TDRD1: variants seen among roughly 807,000 people sequenced by gnomAD.
TDRD1 encodes the protein tudor domain containing 1.
A neutral mutation model predicts 140.6 loss-of-function variants in TDRD1; 37 were observed. That is an observed-to-expected ratio of 0.26 (90% CI 0.20 to 0.35). TDRD1 has a LOEUF of 0.35. Among genes scored for constraint, TDRD1 ranks in the 10% least tolerant of loss-of-function variants. The pLI, the probability that TDRD1 is intolerant of heterozygous loss-of-function variation, is 1.00. For synonymous variants in TDRD1, 506 were observed against 475.7 expected, an observed-to-expected ratio of 1.06 and a Z score of -0.83; for missense variants, 1,243 against 1,393.0, an observed-to-expected ratio of 0.89 and a Z score of 1.71.
intron 1 of TDRD1, among the ~76,000 whole-genome samples, chr10:114,185,095 C>T (rs1194801872): frequency 6.6e-6 from 1 of 152,178 alleles, no homozygotes; most frequent in Non-Finnish European, 1.5e-5. Context: ...TCATAGTGGA[C>T]TGAATTTCTT....
intron 10 of TDRD1, among the ~76,000 whole-genome samples, chr10:114,205,391 G>C (rs923236928): frequency 6.6e-6 from 1 of 152,194 alleles, no homozygotes; most frequent in Non-Finnish European, 1.5e-5. Flanking sequence ...TCACCCCTCT[G>C]CTTTCAGAGA....
chr10:114,221,354 C>T lies in TDRD1; in HGVS notation c.2771-3C>T. 6.2e-7 allele frequency: 1 copy of T among 1,612,026 alleles called. No individual in the cohort carries two copies. The highest frequency in any genetic ancestry group is 8.5e-7 in the Non-Finnish European group (1 of 1,178,994). ...GTGAGACCTGTGTTTTGTATGTTTC[C>T]AGCTACCTCTTCAGCTGAGCAATGG... On this transcript the variant is annotated splice_polypyrimidine_tract_variant and splice_region_variant and intron_variant, in intron 19 of 25. Transcript: ENST00000251864.
In TDRD1 at chr10:114,204,905, C is replaced by A; in HGVS notation, c.1297+12C>A. 1 of 1,563,076 alleles carries A rather than the reference C, an allele frequency of 6.4e-7. No individual in the cohort carries two copies. Among genetic ancestry groups the A allele is most frequent in the South Asian group, 1.3e-5 (1 of 79,352 alleles). Reference sequence around the variant, plus strand: ...GCTGCCAAATTCAGGTAAGATCTGTCTTTTTAAATTGAGTACTTAATAGGA... The same window carrying A: ...GCTGCCAAATTCAGGTAAGATCTGTATTTTTAAATTGAGTACTTAATAGGA... On this transcript the variant is annotated intron_variant, in intron 10 of 25. Transcript: ENST00000251864.
chr10:114,190,027 T>G (rs1191274036), intron 2 of TDRD1, among the ~76,000 whole-genome samples: 1 of 152,194 alleles, frequency 6.6e-6, no homozygotes, highest in Non-Finnish European at 1.5e-5. Context: ...TTATTTGCCT[T>G]TAACAGAGGA....
At chr10:114,231,667 T>G in exon 26 of TDRD1, 1 of 562,548 alleles carries the variant, frequency 1.8e-6, no homozygotes, top group Non-Finnish European at 3.0e-6. Context: ...AGGTTGGTGG[T>G]TTTTATTTTC....
chr10:114,213,945 T>G (rs755438415), intron 15 of TDRD1, 32 bp from the exon 16 acceptor site: 6 of 1,612,636 alleles, frequency 3.7e-6, no homozygotes, highest in Non-Finnish European at 5.1e-6. Context: ...CCTCCTCCAC[T>G]ATGTCCATTT....
At chr10:114,190,813 G>A in intron 2 of TDRD1, 148 bp from the exon 3 acceptor site, 1 of 728,308 alleles carries the variant, frequency 1.4e-6, no homozygotes, top group Non-Finnish European at 2.2e-6. Flanking sequence ...GTTGGGAAAA[G>A]TAGGATGTTG....
exon 15 of TDRD1, chr10:114,213,404 T>C (rs200333623): frequency 3.5e-4 from 559 of 1,613,978 alleles, no homozygotes; most frequent in Non-Finnish European, 4.3e-4. Flanking sequence ...TGAAAAAACT[T>C]GTACAGAACA....
intron 18 of TDRD1, among the ~76,000 whole-genome samples, chr10:114,220,222 A>T (rs1159975905): frequency 6.6e-6 from 1 of 152,262 alleles, no homozygotes; most frequent in Admixed American, 6.5e-5. Flanking sequence ...AGGTGGCAGT[A>T]TATCAGCTGA....
exon 26 of TDRD1, chr10:114,231,708 C>A: frequency 2.0e-6 from 1 of 511,158 alleles, no homozygotes; most frequent in Non-Finnish European, 3.4e-6. Context: ...ATAAATATTA[C>A]GTAAAAAATT....
exon 22 of TDRD1, chr10:114,226,213 G>A: frequency 6.2e-7 from 1 of 1,608,298 alleles, no homozygotes; most frequent in African/African-American, 1.3e-5. Flanking sequence ...ATGTTCACTT[G>A]AAGGTAGACA....
chr10:114,203,151 A>T, exon 7 of TDRD1: 2 of 1,612,864 alleles, frequency 1.2e-6, no homozygotes, highest in Non-Finnish European at 1.7e-6. Flanking sequence ...AGAAGTCTAC[A>T]ACTCAAGAAA....
chr10:114,228,368 C>G, intron 25 of TDRD1: 1 of 1,243,070 alleles, frequency 8.0e-7, no homozygotes. Flanking sequence ...ATAGCCTTTC[C>G]TTACTGTTGT....
At chr10:114,226,272 T>G in intron 22 of TDRD1, 56 bp downstream of exon 22, 1 of 1,269,360 alleles carries the variant, frequency 7.9e-7, no homozygotes, top group South Asian at 1.4e-5. Flanking sequence ...TTTTTCCTCT[T>G]TATGTTTCAT....
At chr10:114,199,683 T>C (rs1337955268) in intron 4 of TDRD1, among the ~76,000 whole-genome samples, 1 of 152,126 alleles carries the variant, frequency 6.6e-6, no homozygotes, top group Non-Finnish European at 1.5e-5. Context: ...TAATTTTGCC[T>C]GTCATAGAAT....
In TDRD1 at chr10:114,210,487, T is replaced by C; in HGVS notation, c.1385-94T>C. 6 of 1,264,470 alleles carry C rather than the reference T, an allele frequency of 4.7e-6. No homozygotes were observed. The South Asian group carries it at 1.0e-4, about 22-fold the overall frequency. 78.3% of individuals were successfully genotyped at this position (1,264,470 alleles called of 1,614,324 possible). A position where few individuals can be genotyped will look rare whatever the true frequency, so the allele number is the denominator to read the frequency against. ...TCTTCCAGGAACCTTGCAGTCATAG[T>C]CATATTCGTTTTAAAATGATTAAAG... On this transcript the variant is annotated intron_variant, in intron 11 of 25. Transcript: ENST00000251864.
chr10:114,206,267 A>T (rs2035094169), exon 11 of TDRD1: 1 of 1,613,602 alleles, frequency 6.2e-7, no homozygotes, highest in Non-Finnish European at 8.5e-7. Context: ...CCATGTGCTT[A>T]TAGAAATGGG....
At chr10:114,200,603 G>A (rs377701910) in intron 4 of TDRD1, among the ~76,000 whole-genome samples, 27 of 152,088 alleles carry the variant, frequency 1.8e-4, no homozygotes, top group African/African-American at 6.5e-4. Flanking sequence ...TGGCTCACTG[G>A]CACTCTGCCT....
chr10:114,232,076 T>G lies in TDRD1; in HGVS notation c.*559T>G, dbSNP rs188688134. On this transcript the variant is annotated 3_prime_UTR_variant, in exon 26 of 26. Transcript: ENST00000251864. ...GCTTTCATGTTTGTTATCTTCTTTT[T>G]CTGTTCACTCAGAGGTCATCAATTT... 825 of 152,562 alleles carry G rather than the reference T, an allele frequency of 5.4e-3. 2 individuals are homozygous for G. The highest frequency in any genetic ancestry group is 8.7e-3 in the Non-Finnish European group (596 of 68,200). The allele number at this position is 152,562 out of a possible 1,614,324, so 9.5% of individuals were successfully genotyped here. A position where few individuals can be genotyped will look rare whatever the true frequency, so the allele number is the denominator to read the frequency against.
Sources: gnomAD v4.1 joint callset for allele counts (sites outside exome capture counted in the v4.1 genomes callset) on GRCh38, gnomAD v4.1.1 for gene constraint, MANE v1.5 for transcripts, NCBI Gene and HGNC (gene_info 2026-07-23, HGNC 2026-07-21) for gene names.